The following KIF4B variants were observed in gnomAD, a reference collection of about 807,000 sequenced individuals.
KIF4B encodes kinesin family member 4B, also known as chromosome-associated kinesin KIF4B.
In KIF4B, 60 loss-of-function variants were observed where a neutral mutation model predicts 69.0. That is an observed-to-expected ratio of 0.87 (90% CI 0.71 to 1.08). The LOEUF is 1.08. Among genes scored for constraint, KIF4B ranks in the 50% least tolerant of loss-of-function variants. The pLI, the probability that KIF4B is intolerant of heterozygous loss-of-function variation, is 0.00. For synonymous variants in KIF4B, 489 were observed against 533.0 expected, an observed-to-expected ratio of 0.92 and a Z score of 1.14; for missense variants, 1,357 against 1,451.9, an observed-to-expected ratio of 0.93 and a Z score of 1.06.
Position 155,015,991 on chromosome 5 carries a change from A to G in KIF4B, c.2132A>G (p.Asn711Ser), listed in dbSNP as rs1765322210. 6.2e-7 allele frequency: 1 copy of G among 1,614,250 alleles called. No individual in the cohort carries two copies. Among genetic ancestry groups the G allele is most frequent in the South Asian group, 1.1e-5 (1 of 91,082 alleles). ...AAAACGGAAGAGGCAGCAGCTGCCA[A>G]CAAGCGACTCAAGGATGCTCTCCAG... is the stretch of plus-strand genomic sequence containing the variant. Reference protein sequence around the residue: ...RRKTEEAAAANKRLKDALQKQ... With the variant: ...RRKTEEAAAASKRLKDALQKQ... Residue 711 changes from asparagine (N) to serine (S), a missense_variant, in exon 1 of 1, where the codon AAC becomes AGC. Coordinates refer to ENST00000435029, the MANE Select transcript of KIF4B (RefSeq NM_001099293.3).
Position 155,016,713 on chromosome 5 carries a change from G to T in KIF4B, c.2854G>T (p.Ala952Ser). The T allele has an allele frequency of 6.2e-7, 1 of 1,614,206 alleles. No homozygotes were observed. Among genetic ancestry groups the T allele is most frequent in the Non-Finnish European group, 8.5e-7 (1 of 1,180,038 alleles). The change falls in exon 1 of 1, where the codon GCC becomes TCC. Residue 952 changes from alanine to serine, a missense_variant. By Grantham distance (99) the Ala-to-Ser change is moderately conservative. Coordinates refer to ENST00000435029, the MANE Select transcript of KIF4B (RefSeq NM_001099293.3). ...GGCAGAGAAGCAGTTAGAGAAATCAGCCAGTGAAAAGGAACAACAGCTGGT... is the reference window on the plus strand; with the variant it reads ...GGCAGAGAAGCAGTTAGAGAAATCATCCAGTGAAAAGGAACAACAGCTGGT... ...QMAEKQLEKS[A>S]SEKEQQLVST... is the part of the protein sequence containing the mutation.
Position 155,017,782 on chromosome 5 carries a change from C to A in KIF4B, c.*218C>A. The A allele has an allele frequency of 1.3e-6, 1 of 792,952 alleles. No individual in the cohort carries two copies. The highest frequency in any genetic ancestry group is 1.9e-6 in the Non-Finnish European group (1 of 512,994). The allele number at this position is 792,952 out of a possible 1,614,324, so 49.1% of individuals were successfully genotyped here. A position where few individuals can be genotyped will look rare whatever the true frequency, so the allele number is the denominator to read the frequency against. ...TCTGCTCTCTAGAAGGCTGCTAAAC[C>A]ACCTGCTGAAGAGAGAACCAACAGA... On this transcript the variant is annotated 3_prime_UTR_variant, in exon 1 of 1. Coordinates refer to ENST00000435029, the MANE Select transcript of KIF4B (RefSeq NM_001099293.3).
Position 155,017,538 on chromosome 5 carries a change from T to C in KIF4B, c.3679T>C (p.Ser1227Pro), listed in dbSNP as rs1210377069. 7.4e-6 allele frequency: 12 copies of C among 1,612,932 alleles called. No homozygotes were observed. The highest frequency in any genetic ancestry group is 2.7e-5 in the African/African-American group (2 of 74,734). ...ASNTSFFSGC[S>P]PIEEEAH ...CAACACCAGCTTCTTCTCTGGCTGC[T>C]CCCCTATCGAAGAAGAGGCCCACTG... Residue 1227 changes from serine to proline, a missense_variant, in exon 1 of 1, where the codon TCC (serine) becomes CCC (proline). Coordinates refer to ENST00000435029, the MANE Select transcript of KIF4B (RefSeq NM_001099293.3).
chr5:155,014,087 A>C lies in KIF4B; in HGVS notation c.228A>C (p.Ile76=). ...NKAVAPLIKG[I]FKGYNATVLA... ...CAGTAGCGCCGCTCATAAAAGGCAT[A>C]TTTAAAGGATATAATGCAACGGTCC... Residue 76 remains isoleucine, a synonymous_variant, in exon 1 of 1, where the codon ATA becomes ATC. Coordinates refer to ENST00000435029, the MANE Select transcript of KIF4B (RefSeq NM_001099293.3). The C allele has an allele frequency of 6.2e-7, 1 of 1,614,204 alleles. No homozygotes were observed.
Position 155,014,199 on chromosome 5 carries a change from A to G in KIF4B, c.340A>G (p.Ile114Val), listed in dbSNP as rs1214824752. The change falls in exon 1 of 1, where the codon ATT becomes GTT. Residue 114 changes from isoleucine (I) to valine (V), a missense_variant. Ile to Val is a conservative substitution (Grantham distance 29). Coordinates refer to ENST00000435029, the MANE Select transcript of KIF4B (RefSeq NM_001099293.3). ...GCAGGAGAATGAACCAACAGTTGGCATTATTCCTAGGGTAATACAACTGCT... is the reference window on the plus strand; with the variant it reads ...GCAGGAGAATGAACCAACAGTTGGCGTTATTCCTAGGGTAATACAACTGCT... ...AEQENEPTVG[I>V]IPRVIQLLFK... 13 of 1,614,290 alleles carry G rather than the reference A, an allele frequency of 8.1e-6. No individual in the cohort carries two copies. Among genetic ancestry groups the G allele is most frequent in the Admixed American group, 1.7e-5 (1 of 60,032 alleles).
rs753204482 is a variant in KIF4B, at chr5:155,015,374, C to T, written c.1515C>T (p.Ser505=). ...AAGTGGAAACCAGTCCAGAGACAAG[C>T]AGGTCTTCTGACGCTTTTACCACTC... ...EAQVETSPET[S]RSSDAFTTQH... The change falls in exon 1 of 1, where the codon AGC becomes AGT. Residue 505 remains serine, a synonymous_variant. Transcript: ENST00000435029. 1 of 1,614,176 alleles carries T rather than the reference C, an allele frequency of 6.2e-7. No homozygotes were observed. The highest frequency in any genetic ancestry group is 1.7e-5 in the Admixed American group (1 of 60,020).
chr5:155,014,668 T>G lies in KIF4B; in HGVS notation c.809T>G (p.Leu270Trp). The part of the protein sequence containing the change: ...GININRGLLC[L>W]GNVISALGDD... ...AATATTAACCGAGGCCTCCTATGCT[T>G]GGGAAATGTAATCAGTGCTCTTGGA... Residue 270 changes from leucine to tryptophan, a missense_variant, in exon 1 of 1, where the codon TTG becomes TGG. Physicochemically the swap from Leu to Trp is moderately conservative, Grantham distance 61. Coordinates refer to ENST00000435029, the MANE Select transcript of KIF4B (RefSeq NM_001099293.3). The G allele has an allele frequency of 6.2e-7, 1 of 1,614,042 alleles. No individual in the cohort carries two copies. The highest frequency in any genetic ancestry group is 8.5e-7 in the Non-Finnish European group (1 of 1,180,006).
Position 155,013,907 on chromosome 5 carries a change from T to C in KIF4B, c.48T>C (p.Cys16=), listed in dbSNP as rs1261523027. Residue 16 remains cysteine, a synonymous_variant, in exon 1 of 1, where the codon TGT becomes TGC. Coordinates refer to ENST00000435029, the MANE Select transcript of KIF4B (RefSeq NM_001099293.3). ...KGIPVRVALR[C]RPLVPKEISE... ...TTCCTGTAAGAGTGGCACTGCGTTG[T>C]CGCCCTCTGGTCCCCAAAGAGATTA... The C allele has an allele frequency of 6.2e-7, 1 of 1,614,064 alleles. No homozygotes were observed. The highest frequency in any genetic ancestry group is 1.7e-5 in the Admixed American group (1 of 60,008).
At position 155,016,139 on chromosome 5, in the gene KIF4B, C is replaced by T. The variant is rs1221928473; in HGVS notation, c.2280C>T (p.Ala760=). ...AGGTTATGGTCAGTACTGAGGAAGCCAAACGCCATCTGAATGACCTCCTTG... is the reference window on the plus strand; with the variant it reads ...AGGTTATGGTCAGTACTGAGGAAGCTAAACGCCATCTGAATGACCTCCTTG... ...EIEVMVSTEE[A]KRHLNDLLED... Residue 760 remains alanine, a synonymous_variant, in exon 1 of 1, where the codon GCC becomes GCT. Coordinates refer to ENST00000435029, the MANE Select transcript of KIF4B (RefSeq NM_001099293.3). 17 of 1,614,014 alleles carry T rather than the reference C, an allele frequency of 1.1e-5. No individual in the cohort carries two copies. Among genetic ancestry groups the T allele is most frequent in the Non-Finnish European group, 1.4e-5 (16 of 1,180,046 alleles).
Position 155,017,477 on chromosome 5 carries a change from G to A in KIF4B, c.3618G>A (p.Lys1206=), listed in dbSNP as rs188773233. 1 of 1,614,048 alleles carries A rather than the reference G, an allele frequency of 6.2e-7. No homozygotes were observed. Among genetic ancestry groups the A allele is most frequent in the East Asian group, 2.2e-5 (1 of 44,872 alleles). The change falls in exon 1 of 1, where the codon AAG becomes AAA. Residue 1206 remains lysine, a synonymous_variant. Coordinates refer to ENST00000435029, the MANE Select transcript of KIF4B (RefSeq NM_001099293.3). ...GAGCAACAGAATACCAACAAAATAAGCCTCCAGGGAAGAAAAAGAAACGAG... is the reference window on the plus strand; with the variant it reads ...GAGCAACAGAATACCAACAAAATAAACCTCCAGGGAAGAAAAAGAAACGAG... The part of the protein sequence containing the change: ...KHGATEYQQN[K]PPGKKKKRAL...
At position 155,015,192 on chromosome 5, in the gene KIF4B, C is replaced by T. The variant is rs1212413904; in HGVS notation, c.1333C>T (p.Leu445=). 6 of 1,614,190 alleles carry T rather than the reference C, an allele frequency of 3.7e-6. No homozygotes were observed. The highest frequency in any genetic ancestry group is 5.1e-6 in the Non-Finnish European group (6 of 1,180,026). The change falls in exon 1 of 1, where the codon CTG becomes TTG. Residue 445 remains leucine, a synonymous_variant. Coordinates refer to ENST00000435029, the MANE Select transcript of KIF4B (RefSeq NM_001099293.3). ...GCTCAGGCAGCATGTGGCCTGCAAG[C>T]TGGATCTTCAAAAGCTAGTGGAGAC... ...EELRQHVACK[L]DLQKLVETLE...
At position 155,017,608 on chromosome 5, in the gene KIF4B, C is replaced by T. The variant is rs1237224383; in HGVS notation, c.*44C>T. On this transcript the variant is annotated 3_prime_UTR_variant, in exon 1 of 1. Coordinates refer to ENST00000435029, the MANE Select transcript of KIF4B (RefSeq NM_001099293.3). ...TACCCCCAATCTGGCTTGGGAGATG[C>T]TTTCCAGTTGCAGCCAGAAGGGGTT... The T allele has an allele frequency of 5.1e-6, 8 of 1,568,148 alleles. No individual in the cohort carries two copies. Among genetic ancestry groups the T allele is most frequent in the Non-Finnish European group, 6.9e-6 (8 of 1,161,568 alleles).
At position 155,015,407 on chromosome 5, in the gene KIF4B, T is replaced by A. The variant is rs371179320; in HGVS notation, c.1548T>A (p.Ala516=). The A allele has an allele frequency of 6.8e-6, 11 of 1,614,012 alleles. No homozygotes were observed. Among genetic ancestry groups the A allele is most frequent in the Non-Finnish European group, 8.5e-6 (10 of 1,180,036 alleles). ...RSSDAFTTQH[A]LHQAQMSKEV... is the part of the protein sequence containing the mutation. The stretch of plus-strand genomic sequence containing the variant: ...CTGACGCTTTTACCACTCAGCATGC[T>A]CTCCATCAAGCTCAGATGTCTAAGG... Residue 516 remains alanine, a synonymous_variant, in exon 1 of 1, where the codon GCT becomes GCA. Coordinates refer to ENST00000435029, the MANE Select transcript of KIF4B (RefSeq NM_001099293.3).
Position 155,014,255 on chromosome 5 carries a change from T to G in KIF4B, c.396T>G (p.Phe132Leu). 6.2e-7 allele frequency: 1 copy of G among 1,614,208 alleles called. No homozygotes were observed. Among genetic ancestry groups the G allele is most frequent in the Non-Finnish European group, 8.5e-7 (1 of 1,180,044 alleles). ...AAGAAATTGATAAAAAGAGTGACTT[T>G]GAATTTACTCTGAAAGTGTCTTACT... ...LFKEIDKKSD[F>L]EFTLKVSYLE... is the part of the protein sequence containing the mutation. Residue 132 changes from phenylalanine (F) to leucine (L), a missense_variant, in exon 1 of 1, where the codon TTT becomes TTG. Phe to Leu is a conservative substitution (Grantham distance 22, BLOSUM62 0). Transcript: ENST00000435029.
chr5:155,016,231 C>T lies in KIF4B; in HGVS notation c.2372C>T (p.Pro791Leu), dbSNP rs1195800030. Residue 791 changes from proline (P) to leucine (L), a missense_variant, in exon 1 of 1, where the codon CCA (proline) becomes CTA (leucine). Pro to Leu is a moderately conservative substitution (Grantham distance 98, BLOSUM62 -3). Transcript: ENST00000435029. ...GAAAAAAAGGAATCTCGGGAGAATCCACCTCCTAAACTCCGGAAGTGTACA... is the reference window on the plus strand; with the variant it reads ...GAAAAAAAGGAATCTCGGGAGAATCTACCTCCTAAACTCCGGAAGTGTACA... The part of the protein sequence containing the change: ...LKEKKESREN[P>L]PPKLRKCTFS... 3.7e-6 allele frequency: 6 copies of T among 1,614,006 alleles called. No homozygotes were observed. In the African/African-American group the frequency reaches 6.7e-5, roughly 18 times the overall value.
Position 155,016,641 on chromosome 5 carries a change from C to A in KIF4B, c.2782C>A (p.Gln928Lys), listed in dbSNP as rs768593085. 6.2e-7 allele frequency: 1 copy of A among 1,614,148 alleles called. No individual in the cohort carries two copies. Among genetic ancestry groups the A allele is most frequent in the South Asian group, 1.1e-5 (1 of 91,082 alleles). The stretch of plus-strand genomic sequence containing the variant: ...GCTGGTCAGAATGGAGCAACAGCAC[C>A]AAGAGAAGGTGCTATACCTTGTCAG... ...AELVRMEQQHQEKVLYLVSQL... is the reference protein window; with the variant it reads ...AELVRMEQQHKEKVLYLVSQL... Residue 928 changes from glutamine (Q) to lysine (K), a missense_variant, in exon 1 of 1, where the codon CAA becomes AAA. By Grantham distance (53) the Gln-to-Lys change is moderately conservative. Transcript: ENST00000435029.
Position 155,016,171 on chromosome 5 carries a change from G to A in KIF4B, c.2312G>A (p.Arg771Lys). 6.2e-7 allele frequency: 1 copy of A among 1,614,178 alleles called. No individual in the cohort carries two copies. The highest frequency in any genetic ancestry group is 8.5e-7 in the Non-Finnish European group (1 of 1,180,038). Residue 771 changes from arginine (R) to lysine (K), a missense_variant, in exon 1 of 1, where the codon AGA (arginine) becomes AAA (lysine). By Grantham distance (26) the Arg-to-Lys change is conservative (BLOSUM62 2). Transcript: ENST00000435029. ...CATCTGAATGACCTCCTTGAAGACA[G>A]AAAGATCCTGGCTCAGGATGTGGTT... ...KRHLNDLLED[R>K]KILAQDVVQL...
At position 155,013,834 on chromosome 5, in the gene KIF4B, G is replaced by C; in HGVS notation, c.-26G>C. The C allele has an allele frequency of 6.2e-7, 1 of 1,611,072 alleles. No individual in the cohort carries two copies. Among genetic ancestry groups the C allele is most frequent in the Non-Finnish European group, 8.5e-7 (1 of 1,178,870 alleles). Reference sequence around the variant, plus strand: ...CGGGTGAACGGGGAAGGGACATTTAGTTTGAGACGGTGCTGAGATAGGATC... The same window carrying C: ...CGGGTGAACGGGGAAGGGACATTTACTTTGAGACGGTGCTGAGATAGGATC... On this transcript the variant is annotated 5_prime_UTR_variant, in exon 1 of 1. Transcript: ENST00000435029.
rs775829914 is a variant in KIF4B, at chr5:155,016,024, G to A, written c.2165G>A (p.Arg722Gln). Residue 722 changes from arginine to glutamine, a missense_variant, in exon 1 of 1, where the codon CGA becomes CAA. Transcript: ENST00000435029. ...KRLKDALQKQ[R>Q]EVTDKRKETQ... The stretch of plus-strand genomic sequence containing the variant: ...CTCAAGGATGCTCTCCAGAAACAAC[G>A]AGAGGTCACAGATAAGCGGAAAGAG... The A allele has an allele frequency of 3.1e-6, 5 of 1,614,136 alleles. No individual in the cohort carries two copies. Among genetic ancestry groups the A allele is most frequent in the South Asian group, 2.2e-5 (2 of 91,080 alleles).
Sources: gnomAD v4.1 joint callset for allele counts on GRCh38, gnomAD v4.1.1 for gene constraint, MANE v1.5 for transcripts, NCBI Gene and HGNC (gene_info 2026-07-23, HGNC 2026-07-21) for gene names.